NDE1: variants seen among roughly 807,000 people sequenced by gnomAD.
The protein encoded by NDE1 is nuclear distribution protein nudE homolog 1.
In NDE1, 28 loss-of-function variants were observed where a neutral mutation model predicts 43.4. The observed-to-expected ratio is 0.65, with a 90% CI of 0.48 to 0.89. The LOEUF (loss-of-function observed/expected upper bound fraction) is 0.89, where lower values mean the gene tolerates loss of function less well. Ranked by LOEUF, NDE1 falls within the 40% of genes least tolerant of loss-of-function variation. The probability of loss-of-function intolerance (pLI) is 0.00; values close to 1 mark genes in which losing one functional copy is unlikely to be tolerated. For synonymous variants in NDE1, 184 were observed against 172.0 expected (o/e 1.07, Z -0.55); for missense variants, 441 against 434.1 (o/e 1.02, Z -0.14).
chr16:15,685,128 A>G (rs1050020636), intron 4 of NDE1, among the ~76,000 whole-genome samples: 3 of 152,200 alleles, frequency 2.0e-5, no homozygotes, highest in Non-Finnish European at 4.4e-5. Flanking sequence ...TTCTGCAAGC[A>G]TTCTGTACTA....
chr16:15,676,536 A>G (rs866676003), intron 3 of NDE1, among the ~76,000 whole-genome samples: 11 of 151,992 alleles, frequency 7.2e-5, no homozygotes, highest in African/African-American at 2.7e-4. Context: ...TAAATAACCT[A>G]GAGATCAAAC....
At chr16:15,687,561 A>G (rs769690794) in intron 5 of NDE1, 50 bp downstream of exon 5, 4 of 1,506,246 alleles carry the variant, frequency 2.7e-6, no homozygotes, top group Non-Finnish European at 3.7e-6. Context: ...TCCCTACCTG[A>G]GCAACATCTT....
At chr16:15,647,952 G>C (rs1430458264), upstream of NDE1, among the ~76,000 whole-genome samples, 2 of 151,312 alleles carry the variant, frequency 1.3e-5, no homozygotes, top group Non-Finnish European at 2.9e-5. Context: ...AGGATCACTT[G>C]AGCCTGGGAG....
chr16:15,648,965 G>A (rs965536151), upstream of NDE1, among the ~76,000 whole-genome samples: 2 of 152,070 alleles, frequency 1.3e-5, no homozygotes, highest in Non-Finnish European at 2.9e-5. Flanking sequence ...GGAGGCCGAG[G>A]TGGGTGGATC....
At chr16:15,665,735 A>G (rs1265480551) in intron 2 of NDE1, among the ~76,000 whole-genome samples, 1 of 148,426 alleles carries the variant, frequency 6.7e-6, no homozygotes, top group Non-Finnish European at 1.5e-5. Context: ...ATGAGCCACC[A>G]TGCCTGGCCT....
At chr16:15,681,592 GT>G (rs1306827814) in intron 4 of NDE1, among the ~76,000 whole-genome samples, 1 of 151,690 alleles carries the variant, frequency 6.6e-6, no homozygotes, top group African/African-American at 2.4e-5. Context: ...GTTGTTCGTT[GT>G]TTTTTTTCCC....
At chr16:15,678,270 C>T (rs1156559583) in intron 4 of NDE1, among the ~76,000 whole-genome samples, 1 of 152,138 alleles carries the variant, frequency 6.6e-6, no homozygotes, top group Non-Finnish European at 1.5e-5. Context: ...GAATGAGTAG[C>T]CATGATGCCA....
At chr16:15,664,426 G>A (rs1424355027) in intron 1 of NDE1, among the ~76,000 whole-genome samples, 3 of 151,906 alleles carry the variant, frequency 2.0e-5, no homozygotes, top group African/African-American at 7.3e-5. Flanking sequence ...GCGCCATCTC[G>A]GCTCACTGCA....
At chr16:15,687,282 G>T (rs753506179) in intron 4 of NDE1, 93 bp from the exon 5 acceptor site, 18 of 1,605,018 alleles carry the variant, frequency 1.1e-5, no homozygotes, top group East Asian at 6.7e-5. Context: ...CTTGTGCCCA[G>T]GTGTGTCTGA....
chr16:15,653,284 G>T (rs1341964260), intron 1 of NDE1, among the ~76,000 whole-genome samples: 1 of 152,152 alleles, frequency 6.6e-6, no homozygotes, highest in African/African-American at 2.4e-5. Flanking sequence ...CTTTGAACAT[G>T]GGTCCTTGCC....
intron 7 of NDE1, among the ~76,000 whole-genome samples, chr16:15,696,178 A>C (rs1205463508): frequency 6.7e-6 from 1 of 149,472 alleles, no homozygotes; most frequent in African/African-American, 2.5e-5. Flanking sequence ...ACATTTTAAA[A>C]AATTTTTCGT....
In NDE1 at chr16:15,696,872, C is replaced by T. The variant is rs1483757469; in HGVS notation, c.947+12C>T. Reference sequence around the variant, plus strand: ...TTGGGTGATAAGGGGTCAGTACCTTCTAATAAACCTCTCGCTGGCGGGGAG... The same window carrying T: ...TTGGGTGATAAGGGGTCAGTACCTTTTAATAAACCTCTCGCTGGCGGGGAG... On this transcript the variant is annotated intron_variant, in intron 8 of 8. Transcript: ENST00000396354. 1.2e-6 allele frequency: 2 copies of T among 1,613,712 alleles called. No individual in the cohort carries two copies. Among genetic ancestry groups the T allele is most frequent in the Non-Finnish European group, 1.7e-6 (2 of 1,179,936 alleles).
chr16:15,673,596 G>T (rs868420371), intron 3 of NDE1, among the ~76,000 whole-genome samples: 1 of 151,034 alleles, frequency 6.6e-6, no homozygotes, highest in South Asian at 2.1e-4. Flanking sequence ...GCAGTGGCAT[G>T]ATCATAGTTT....
intron 3 of NDE1, among the ~76,000 whole-genome samples, chr16:15,668,095 G>A (rs563190303): frequency 7.2e-5 from 11 of 152,118 alleles, no homozygotes; most frequent in African/African-American, 2.6e-4. Context: ...CGGGCGAGGT[G>A]GTGCATACCT....
Position 15,694,232 on chromosome 16 carries a change from G to C in NDE1, c.771G>C (p.Val257=). 2 of 1,613,798 alleles carry C rather than the reference G, an allele frequency of 1.2e-6. No homozygotes were observed. Among genetic ancestry groups the C allele is most frequent in the African/African-American group, 1.3e-5 (1 of 75,042 alleles). ...CCCGGATATCAGCCCTCAACATTGT[G>C]GGAGACCTACTGCGGAAAGTCGGGG... ...PAARISALNI[V]GDLLRKVGAL... The change falls in exon 7 of 9, where the codon GTG becomes GTC. Residue 257 remains valine, a synonymous_variant. Coordinates refer to ENST00000396354, the MANE Select transcript of NDE1 (RefSeq NM_017668.3).
chr16:15,666,353 T>C (rs1156358516), intron 2 of NDE1, among the ~76,000 whole-genome samples: 2 of 152,096 alleles, frequency 1.3e-5, no homozygotes, highest in African/African-American at 4.8e-5. Context: ...GCACAGTGGC[T>C]CACATCTGTA....
rs117531972 is a variant in NDE1, at chr16:15,658,117, G to T, written c.-43-6619G>T. On this transcript the variant is annotated intron_variant, in intron 1 of 8. Transcript: ENST00000396354. ...CTTGGCCCAGCTTTCCTCTGTTTTG[G>T]CTTCACTCTGAGGCAGGCTCTCCCT... 5.2e-3 allele frequency among the ~76,000 whole-genome samples: 786 copies of T among 152,222 alleles called. 17 individuals are homozygous for T. Among genetic ancestry groups the T allele is most frequent in the East Asian group, 0.051 (263 of 5,180 alleles).
intron 1 of NDE1, among the ~76,000 whole-genome samples, chr16:15,659,821 T>C (rs1392012251): frequency 6.7e-6 from 1 of 148,702 alleles, no homozygotes; most frequent in Non-Finnish European, 1.5e-5. Flanking sequence ...CGATCTCAGC[T>C]CATTGCAACC....
Position 15,694,194 on chromosome 16 carries a change from C to T in NDE1, c.733C>T (p.Leu245Phe). Residue 245 changes from leucine (L) to phenylalanine (F), a missense_variant, in exon 7 of 9, where the codon CTC becomes TTC. Leu to Phe is a conservative substitution (Grantham distance 22, BLOSUM62 0). Coordinates refer to ENST00000396354, the MANE Select transcript of NDE1 (RefSeq NM_017668.3). ...GLDDSTGGTP[L>F]TPAARISALN... ...GGACGACTCCACCGGGGGGACCCCC[C>T]TCACACCTGCGGCCCGGATATCAGC... The T allele has an allele frequency of 6.2e-7, 1 of 1,613,170 alleles. No homozygotes were observed.
Sources: gnomAD v4.1 joint callset for allele counts (sites outside exome capture counted in the v4.1 genomes callset) on GRCh38, gnomAD v4.1.1 for gene constraint, MANE v1.5 for transcripts, NCBI Gene and HGNC (gene_info 2026-07-23, HGNC 2026-07-21) for gene names.